SLIT1: variants seen among roughly 807,000 people sequenced by gnomAD.
SLIT1 encodes slit homolog 1 protein.
In SLIT1, 66 loss-of-function variants were observed where a neutral mutation model predicts 186.1. The ratio of observed to expected loss-of-function variants is 0.35; its 90% confidence interval spans 0.29 to 0.44. The LOEUF is 0.44. Ranked by LOEUF, SLIT1 falls within the 20% of genes least tolerant of loss-of-function variation. The probability of loss-of-function intolerance (pLI) is 1.00; values close to 1 mark genes in which losing one functional copy is unlikely to be tolerated. For missense variants in SLIT1, 1,638 were observed against 2,037.4 expected (o/e 0.80, Z 3.77); for synonymous variants, 761 against 833.8 (o/e 0.91, Z 1.50).
chr10:97,152,174 G>A (rs914362225), intron 4 of SLIT1, among the ~76,000 whole-genome samples: 4 of 152,130 alleles, frequency 2.6e-5, no homozygotes, highest in African/African-American at 4.8e-5. Context: ...CTGTGCCAAG[G>A]TCACGGCCCT....
At chr10:97,098,342 G>GGAT (rs1849313349) in intron 4 of SLIT1, among the ~76,000 whole-genome samples, 2 of 152,244 alleles carry the variant, frequency 1.3e-5, no homozygotes, top group African/African-American at 2.4e-5. Flanking sequence ...GACAGGCTGA[G>GGAT]GAAGTGGTAA....
intron 4 of SLIT1, among the ~76,000 whole-genome samples, chr10:97,072,707 T>C (rs564173282): frequency 8.7e-4 from 132 of 152,268 alleles, no homozygotes; most frequent in South Asian, 3.9e-3. Context: ...CAGGTGAACC[T>C]TGGAAGCCTC....
intron 1 of SLIT1, among the ~76,000 whole-genome samples, chr10:97,171,642 A>G (rs919586161): frequency 6.6e-6 from 1 of 152,134 alleles, no homozygotes; most frequent in Admixed American, 6.5e-5. Context: ...CAACATGGCG[A>G]AACCTGTCTC....
chr10:97,124,613 G>A (rs1472750203), intron 4 of SLIT1, among the ~76,000 whole-genome samples: 1 of 152,220 alleles, frequency 6.6e-6, no homozygotes, highest in African/African-American at 2.4e-5. Context: ...TCCAGCCTGA[G>A]AGGGCTGAGC....
intron 1 of SLIT1, among the ~76,000 whole-genome samples, chr10:97,177,790 A>T (rs1202674558): frequency 6.6e-6 from 1 of 152,184 alleles, no homozygotes; most frequent in Non-Finnish European, 1.5e-5. Context: ...AGCCTAACCA[A>T]CATGGTGAAA....
At chr10:97,135,279 G>T (rs958553808) in intron 4 of SLIT1, among the ~76,000 whole-genome samples, 5 of 152,052 alleles carry the variant, frequency 3.3e-5, no homozygotes, top group Non-Finnish European at 5.9e-5. Flanking sequence ...TAACAGTTCG[G>T]CCATTTAACA....
chr10:97,099,686 T>C (rs796139472), intron 4 of SLIT1, among the ~76,000 whole-genome samples: 6 of 152,280 alleles, frequency 3.9e-5, no homozygotes, highest in African/African-American at 1.2e-4. Context: ...TAAATCCAGC[T>C]TGATGGTCCC....
chr10:97,105,057 C>T (rs1411137250), intron 4 of SLIT1, among the ~76,000 whole-genome samples: 1 of 152,150 alleles, frequency 6.6e-6, no homozygotes, highest in Non-Finnish European at 1.5e-5. Flanking sequence ...TCCTATTTGG[C>T]CCCCTCCATG....
rs753689789 is a variant in SLIT1 at position 97,157,857 on chromosome 10, G to A, written c.374C>T (p.Pro125Leu). Residue 125 changes from proline (P) to leucine (L), a missense_variant, in exon 4 of 37, where the codon CCG becomes CTG. This residue lies in a region of SLIT1 where 1,245 missense variants were observed against 1,535.3 expected (regional missense o/e 0.81). Coordinates refer to ENST00000266058, the MANE Select transcript of SLIT1 (RefSeq NM_003061.3). ...CTGGTTGTTCTGGAACAGCAGTTCC[G>A]GTAACATGTGCAGCTGGTTTCGGTT... ...RLNRNQLHML[P>L]ELLFQNNQAL... The A allele has an allele frequency of 3.1e-6, 5 of 1,613,928 alleles. No individual in the cohort carries two copies. Among genetic ancestry groups the A allele is most frequent in the Middle Eastern group, 1.6e-4 (1 of 6,062 alleles).
chr10:97,004,293 C>A lies in SLIT1; in HGVS notation c.3711-71G>T. 2 of 1,458,460 alleles carry A rather than the reference C, an allele frequency of 1.4e-6. No homozygotes were observed. Among genetic ancestry groups the A allele is most frequent in the Admixed American group, 1.9e-5 (1 of 51,946 alleles). The allele number at this position is 1,458,460 out of a possible 1,614,324, so 90.3% of individuals were successfully genotyped here. On this transcript the variant is annotated intron_variant, in intron 33 of 36. Coordinates refer to ENST00000266058, the MANE Select transcript of SLIT1 (RefSeq NM_003061.3). The surrounding 1 kb of genome is among the most constrained non-coding windows in gnomAD (Gnocchi z 5.1). ...TGGACCATCCCTGCCTGGGCACTTC[C>A]CCAGAAACACCAGTAGCTGCTTCCC...
chr10:97,102,961 T>A (rs1849374983), intron 4 of SLIT1: 2 of 152,160 alleles, frequency 1.3e-5, no homozygotes, highest in African/African-American at 2.4e-5. Flanking sequence ...TGAGCTACCA[T>A]CAAAATCAAG....
rs558252390 is a variant in SLIT1 at position 97,148,653 on chromosome 10, C to T, written c.413+9165G>A. Among the ~76,000 whole-genome samples, 5 of 152,152 alleles carry T rather than the reference C, an allele frequency of 3.3e-5. No homozygotes were observed. The East Asian group carries it at 7.7e-4, about 23-fold the overall frequency. On this transcript the variant is annotated intron_variant, in intron 4 of 36. Coordinates refer to ENST00000266058, the MANE Select transcript of SLIT1 (RefSeq NM_003061.3). The stretch of plus-strand genomic sequence containing the variant: ...AATGCCTTAACTAGAAAACTAAATC[C>T]CTTATCTCCTATCATTCTTTGCTTT...
Position 97,059,536 on chromosome 10 carries a change from A to G in SLIT1, c.1014-5T>C. 6.2e-7 allele frequency: 1 copy of G among 1,613,040 alleles called. No homozygotes were observed. Among genetic ancestry groups the G allele is most frequent in the Non-Finnish European group, 8.5e-7 (1 of 1,179,340 alleles). On this transcript the variant is annotated splice_polypyrimidine_tract_variant and splice_region_variant and intron_variant, in intron 10 of 36. Coordinates refer to ENST00000266058, the MANE Select transcript of SLIT1 (RefSeq NM_003061.3). ...ATCTGATTGTTGCTCAGGTCTCTGC[A>G]AGGTGAGCAGAAGGAGAGGGGGCAT...
chr10:97,021,294 C>T lies in SLIT1; in HGVS notation c.2702G>A (p.Gly901Asp), dbSNP rs1848500088. The change falls in exon 26 of 37, where the codon GGC becomes GAC. Residue 901 changes from glycine to aspartate, a missense_variant. By Grantham distance (94) the Gly-to-Asp change is moderately conservative. Transcript: ENST00000266058. The surrounding 1 kb of genome is among the most constrained non-coding windows in gnomAD (Gnocchi z 4.5). ...GGCAGGCGTGGTGAGGAGCAGCTTG[C>T]CCTCCATGTCCTGGGGCCCAGCACA... is the stretch of plus-strand genomic sequence containing the variant. ...ARCAGPQDME[G>D]KLLLTTPAKK... is the part of the protein sequence containing the mutation. The T allele has an allele frequency of 6.2e-7, 1 of 1,614,176 alleles. No homozygotes were observed. Among genetic ancestry groups the T allele is most frequent in the Admixed American group, 1.7e-5 (1 of 60,030 alleles).
chr10:97,074,707 G>T (rs980289944), intron 4 of SLIT1, among the ~76,000 whole-genome samples: 4 of 152,120 alleles, frequency 2.6e-5, no homozygotes, highest in Admixed American at 6.5e-5. Flanking sequence ...GAAGCATCGG[G>T]CAACCCCAGT....
intron 4 of SLIT1, among the ~76,000 whole-genome samples, chr10:97,080,909 A>C (rs913079518): frequency 6.6e-6 from 1 of 152,204 alleles, no homozygotes; most frequent in African/African-American, 2.4e-5. Flanking sequence ...GCCCGGGCTT[A>C]TGGCCTGGTA....
At chr10:97,144,133 G>A (rs1381875772) in intron 4 of SLIT1, among the ~76,000 whole-genome samples, 1 of 151,870 alleles carries the variant, frequency 6.6e-6, no homozygotes, top group African/African-American at 2.4e-5. Flanking sequence ...GGGAGGTGGA[G>A]GTTGCAGTGA....
intron 4 of SLIT1, among the ~76,000 whole-genome samples, chr10:97,092,780 C>T (rs1413175774): frequency 6.6e-6 from 1 of 152,196 alleles, no homozygotes; most frequent in Non-Finnish European, 1.5e-5. Flanking sequence ...AAAATCCATG[C>T]CAAGGGCAAG....
intron 4 of SLIT1, among the ~76,000 whole-genome samples, chr10:97,085,863 A>G (rs1849154198): frequency 6.6e-6 from 1 of 152,252 alleles, no homozygotes; most frequent in South Asian, 2.1e-4. Context: ...CAAAAAGGTC[A>G]AAACTAGCCC....
Sources: allele counts gnomAD v4.1 joint callset (sites outside exome capture counted in the v4.1 genomes callset), GRCh38; gene constraint gnomAD v4.1.1; regional missense constraint gnomAD v4.1.1; non-coding constraint Gnocchi (gnomAD v3.1); transcripts MANE v1.5; gene names NCBI Gene and HGNC (gene_info 2026-07-23, HGNC 2026-07-21).